GSE1: variants seen among roughly 807,000 people sequenced by gnomAD.
GSE1 encodes Gse1 coiled-coil protein.
In GSE1, 32 loss-of-function variants were observed where a neutral mutation model predicts 112.6. The observed-to-expected ratio is 0.28, with a 90% confidence interval of 0.21 to 0.38. The LOEUF is 0.38. Ranked by LOEUF, GSE1 falls within the 10% of genes least tolerant of loss-of-function variation. GSE1 has a pLI of 1.00. For missense variants in GSE1, 2,348 were observed against 1,699.2 expected, an observed-to-expected ratio of 1.38 and a Z score of -6.71; for synonymous variants, 1,115 against 735.6, an observed-to-expected ratio of 1.52 and a Z score of -8.35.
intron 1 of GSE1, among the ~76,000 whole-genome samples, chr16:85,182,067 C>T (rs1301063575): frequency 2.0e-5 from 3 of 152,318 alleles, no homozygotes; most frequent in East Asian, 3.9e-4. Context: ...GCTCTGCTTC[C>T]AGGCTGCGCG....
intron 2 of GSE1, among the ~76,000 whole-genome samples, chr16:85,439,658 A>G (rs2049331112): frequency 6.6e-6 from 1 of 151,944 alleles, no homozygotes; most frequent in Admixed American, 6.5e-5. Context: ...TGGTGAAGAC[A>G]CTCCCCAACA....
At chr16:85,669,668 G>C (rs1045947579) in intron 14 of GSE1, among the ~76,000 whole-genome samples, 3 of 152,192 alleles carry the variant, frequency 2.0e-5, no homozygotes, top group Non-Finnish European at 4.4e-5. Flanking sequence ...TTTTGGTGTG[G>C]TGTTGGGAAT....
chr16:85,457,634 G>A (rs576406142), intron 2 of GSE1, among the ~76,000 whole-genome samples: 9 of 152,176 alleles, frequency 5.9e-5, no homozygotes, highest in South Asian at 2.1e-4. Context: ...CCCCTGCCTC[G>A]TTGGGTGAAG....
chr16:85,572,822 A>G (rs1023315989), intron 1 of GSE1, among the ~76,000 whole-genome samples: 6 of 152,174 alleles, frequency 3.9e-5, no homozygotes, highest in Non-Finnish European at 8.8e-5. Flanking sequence ...ACCTAAAGGA[A>G]GGCCCACTTT....
intron 2 of GSE1, among the ~76,000 whole-genome samples, chr16:85,487,467 C>A (rs2050877893): frequency 6.6e-6 from 1 of 152,184 alleles, no homozygotes; most frequent in African/African-American, 2.4e-5. Context: ...TTCATAAACA[C>A]TGAGGCCTCG....
intron 2 of GSE1, among the ~76,000 whole-genome samples, chr16:85,413,875 T>C (rs1047037510): frequency 6.6e-6 from 1 of 152,166 alleles, no homozygotes; most frequent in South Asian, 2.1e-4. Flanking sequence ...GTTCTCGTGA[T>C]AGTGAGTGAG....
At chr16:85,453,625 G>A (rs1367950022) in intron 2 of GSE1, among the ~76,000 whole-genome samples, 1 of 152,152 alleles carries the variant, frequency 6.6e-6, no homozygotes, top group Non-Finnish European at 1.5e-5. Context: ...CTCACCCCAT[G>A]AGACCAGGCT....
intron 1 of GSE1, among the ~76,000 whole-genome samples, chr16:85,225,754 A>G (rs73257933): frequency 7.4e-4 from 112 of 152,348 alleles, no homozygotes; most frequent in African/African-American, 2.5e-3. Flanking sequence ...AGTATTCGTA[A>G]TGTATTGCTG....
chr16:85,505,934 C>G (rs946768559), intron 2 of GSE1, among the ~76,000 whole-genome samples: 1 of 151,906 alleles, frequency 6.6e-6, no homozygotes, highest in East Asian at 1.9e-4. Flanking sequence ...GACTGCACCA[C>G]TGCATTCCAG....
intron 2 of GSE1, among the ~76,000 whole-genome samples, chr16:85,493,713 C>A (rs2051081080): frequency 6.7e-6 from 1 of 149,928 alleles, no homozygotes; most frequent in Non-Finnish European, 1.5e-5. Flanking sequence ...TCGCTTGAAC[C>A]CGGGAGGTAG....
intron 1 of GSE1, among the ~76,000 whole-genome samples, chr16:85,303,716 C>T (rs999768045): frequency 6.6e-6 from 1 of 152,234 alleles, no homozygotes; most frequent in African/African-American, 2.4e-5. Context: ...CCACAGGCAC[C>T]GGCCGCCGCC....
At chr16:85,343,153 C>T (rs1486443702) in intron 1 of GSE1, among the ~76,000 whole-genome samples, 3 of 152,084 alleles carry the variant, frequency 2.0e-5, no homozygotes, top group Non-Finnish European at 2.9e-5. Flanking sequence ...GTCCACACTA[C>T]GGCACGCTCC....
At chr16:85,356,367 C>T (rs1315278196) in intron 1 of GSE1, among the ~76,000 whole-genome samples, 2 of 152,256 alleles carry the variant, frequency 1.3e-5, no homozygotes, top group Non-Finnish European at 1.5e-5. Context: ...CGGGTCCGTT[C>T]CCTTGGCAGG....
Position 85,258,215 on chromosome 16 carries a change from T to TC in GSE1, c.2283+86413dup, listed in dbSNP as rs561523011. On this transcript the variant is annotated intron_variant, in intron 1 of 2. Coordinates refer to the GSE1 transcript ENST00000637419. ...AGTTGGGCTGAGAGTCCCCTGAAGC[T>TC]CCCCCAAAACTGTAAACATGGCCCA... Among the ~76,000 whole-genome samples the TC allele has an allele frequency of 6.9e-4, 105 of 152,098 alleles. 3 individuals are homozygous for TC. The South Asian group carries it at 0.014, about 20-fold the overall frequency.
chr16:85,583,246 C>T (rs913989794), intron 1 of GSE1: 1 of 152,260 alleles, frequency 6.6e-6, no homozygotes, highest in Non-Finnish European at 1.5e-5. Flanking sequence ...TCTAGGATCC[C>T]CAGGGAGTGA....
intron 1 of GSE1, among the ~76,000 whole-genome samples, chr16:85,215,521 C>G (rs1325278081): frequency 6.6e-6 from 1 of 152,028 alleles, no homozygotes; most frequent in African/African-American, 2.4e-5. Context: ...ATTCATGCAA[C>G]AAAAAACCAT....
At chr16:85,525,839 C>T (rs1358959885) in intron 2 of GSE1, among the ~76,000 whole-genome samples, 1 of 152,186 alleles carries the variant, frequency 6.6e-6, no homozygotes, top group Non-Finnish European at 1.5e-5. Flanking sequence ...AGTAATAGGA[C>T]CTGCCTGCCT....
intron 1 of GSE1, among the ~76,000 whole-genome samples, chr16:85,292,198 G>A (rs2045238285): frequency 6.6e-6 from 1 of 151,742 alleles, no homozygotes; most frequent in Admixed American, 6.6e-5. Context: ...GAGTGCAGTG[G>A]CGCAATCTTG....
At chr16:85,441,233 G>A (rs1168065401) in intron 2 of GSE1, among the ~76,000 whole-genome samples, 1 of 152,120 alleles carries the variant, frequency 6.6e-6, no homozygotes, top group Non-Finnish European at 1.5e-5. Flanking sequence ...CTCTGGCCTC[G>A]ACCCACCAGA....
Sources: gnomAD v4.1 joint callset for allele counts (sites outside exome capture counted in the v4.1 genomes callset) on GRCh38, gnomAD v4.1.1 for gene constraint, MANE v1.5 for transcripts, NCBI Gene and HGNC (gene_info 2026-07-23, HGNC 2026-07-21) for gene names.